GRID2: variants seen among roughly 807,000 people sequenced by gnomAD.
GRID2 encodes glutamate ionotropic receptor delta type subunit 2.
Under a neutral mutation model 114.8 loss-of-function variants are expected in GRID2, and 33 were observed. The observed-to-expected ratio is 0.29, with a 90% CI of 0.22 to 0.38. The LOEUF (loss-of-function observed/expected upper bound fraction) is 0.38, where lower values mean the gene tolerates loss of function less well. Ranked by LOEUF, GRID2 falls within the 10% of genes least tolerant of loss-of-function variation. The probability of loss-of-function intolerance (pLI) is 1.00; values close to 1 mark genes in which losing one functional copy is unlikely to be tolerated. For missense variants in GRID2, 1,184 were observed against 1,257.7 expected (o/e 0.94, Z 0.89); for synonymous variants, 505 against 449.9 (o/e 1.12, Z -1.55).
chr4:92,726,104 G>C (rs1736057816), intron 2 of GRID2, among the ~76,000 whole-genome samples: 1 of 152,088 alleles, frequency 6.6e-6, no homozygotes, highest in South Asian at 2.1e-4. Context: ...TACTCATCTT[G>C]TATTTTACTT....
chr4:92,728,343 G>T (rs1167518333), intron 2 of GRID2, among the ~76,000 whole-genome samples: 3 of 152,006 alleles, frequency 2.0e-5, no homozygotes, highest in Non-Finnish European at 4.4e-5. Context: ...AACTTATCTG[G>T]GTAAGTCTGA....
At chr4:92,350,995 T>C (rs1728040807) in intron 1 of GRID2, among the ~76,000 whole-genome samples, 1 of 151,928 alleles carries the variant, frequency 6.6e-6, no homozygotes, top group South Asian at 2.1e-4. Flanking sequence ...TTATGTAGCA[T>C]GTATCAGTAC....
chr4:93,162,124 T>A (rs1397161651), intron 4 of GRID2, among the ~76,000 whole-genome samples: 1 of 151,842 alleles, frequency 6.6e-6, no homozygotes, highest in Non-Finnish European at 1.5e-5. Flanking sequence ...GCATCCCATT[T>A]GAGGAAAGCC....
intron 8 of GRID2, among the ~76,000 whole-genome samples, chr4:93,305,281 C>T (rs910623327): frequency 6.6e-6 from 1 of 152,072 alleles, no homozygotes; most frequent in Non-Finnish European, 1.5e-5. Context: ...CAGGGAAATA[C>T]TTGTAGTAAA....
intron 1 of GRID2, among the ~76,000 whole-genome samples, chr4:92,521,266 G>A (rs1339198997): frequency 6.6e-6 from 1 of 151,776 alleles, no homozygotes; most frequent in African/African-American, 2.4e-5. Flanking sequence ...TTTCACAGTT[G>A]TCTTAGAAGT....
chr4:93,524,811 A>ATG (rs1167646209), intron 13 of GRID2, among the ~76,000 whole-genome samples: 9,010 of 47,484 alleles, frequency 0.19, 409 homozygotes, highest in Admixed American at 0.23. Flanking sequence ...ATATATATAT[A>ATG]TATGTATGTA....
At chr4:92,885,803 A>G (rs912943202) in intron 2 of GRID2, among the ~76,000 whole-genome samples, 30 of 152,350 alleles carry the variant, frequency 2.0e-4, no homozygotes, top group Admixed American at 1.2e-3. Flanking sequence ...GCACTTGGCT[A>G]ACATGCCGTT....
At chr4:93,286,690 T>G (rs28678937) in intron 8 of GRID2, among the ~76,000 whole-genome samples, 2,451 of 49,648 alleles carry the variant, frequency 0.049, 27 homozygotes, top group South Asian at 0.15. Flanking sequence ...TGTGTGTGTG[T>G]GGGGGTGTGT....
At chr4:93,336,647 G>A (rs905029216) in intron 8 of GRID2, among the ~76,000 whole-genome samples, 2 of 152,082 alleles carry the variant, frequency 1.3e-5, no homozygotes, top group Admixed American at 1.3e-4. Context: ...TGTGCCAATT[G>A]TCACTCTCAA....
At chr4:92,396,335 C>T (rs1730489781) in intron 1 of GRID2, among the ~76,000 whole-genome samples, 1 of 151,874 alleles carries the variant, frequency 6.6e-6, no homozygotes, top group African/African-American at 2.4e-5. Context: ...CCCAGAATGT[C>T]TTGCATGTTA....
At chr4:93,302,315 G>A (rs894103073) in intron 8 of GRID2, among the ~76,000 whole-genome samples, 1 of 152,130 alleles carries the variant, frequency 6.6e-6, no homozygotes, top group Admixed American at 6.6e-5. Flanking sequence ...CTTCTCTATA[G>A]GAAATAAATA....
intron 3 of GRID2, among the ~76,000 whole-genome samples, chr4:93,105,398 A>T (rs1031556503): frequency 6.6e-6 from 1 of 152,172 alleles, no homozygotes; most frequent in African/African-American, 2.4e-5. Context: ...TATGTCCTGA[A>T]CGGTAATGCC....
At chr4:93,054,534 G>A (rs2149284979) in intron 2 of GRID2, among the ~76,000 whole-genome samples, 1 of 151,880 alleles carries the variant, frequency 6.6e-6, no homozygotes, top group East Asian at 1.9e-4. Flanking sequence ...TGGAGCATGT[G>A]GTAAACTTTT....
intron 2 of GRID2, among the ~76,000 whole-genome samples, chr4:92,971,932 C>T (rs937992065): frequency 1.3e-5 from 2 of 152,096 alleles, no homozygotes; most frequent in African/African-American, 4.8e-5. Flanking sequence ...TTTATTCATT[C>T]ATCTGCTGAT....
At chr4:92,484,096 G>A (rs534822851) in intron 1 of GRID2, among the ~76,000 whole-genome samples, 113 of 152,230 alleles carry the variant, frequency 7.4e-4, no homozygotes, top group Non-Finnish European at 1.2e-3. Context: ...AATCTATGGT[G>A]GAAGGATGGA....
intron 4 of GRID2, chr4:93,164,706 G>T: frequency 2.3e-6 from 1 of 435,902 alleles, no homozygotes; most frequent in Non-Finnish European, 4.7e-6. Flanking sequence ...GACAAAATAT[G>T]CTTAATTTTT....
intron 2 of GRID2, among the ~76,000 whole-genome samples, chr4:93,025,139 G>A (rs2149250763): frequency 6.6e-6 from 1 of 150,982 alleles, no homozygotes; most frequent in Middle Eastern, 3.4e-3. Flanking sequence ...AGGGAGAGAG[G>A]TAAAGAGAGG....
At chr4:93,711,259 T>C (rs191315286) in intron 14 of GRID2, among the ~76,000 whole-genome samples, 52 of 152,304 alleles carry the variant, frequency 3.4e-4, no homozygotes, top group Non-Finnish European at 7.2e-4. Context: ...TGATGTTTAT[T>C]CAAAGTCCAA....
chr4:93,198,220 C>T (rs1181796993), intron 4 of GRID2, among the ~76,000 whole-genome samples: 1 of 152,116 alleles, frequency 6.6e-6, no homozygotes, highest in Non-Finnish European at 1.5e-5. Context: ...TACCATGAAG[C>T]TTATTCTACA....
Sources: gnomAD v4.1 joint callset for allele counts (sites outside exome capture counted in the v4.1 genomes callset) on GRCh38, gnomAD v4.1.1 for gene constraint, MANE v1.5 for transcripts, NCBI Gene and HGNC (gene_info 2026-07-23, HGNC 2026-07-21) for gene names.